MAP3K15: variants seen among roughly 807,000 people sequenced by gnomAD.
MAP3K15 encodes mitogen-activated protein kinase kinase kinase 15.
In MAP3K15, 124 loss-of-function variants were observed where a neutral mutation model predicts 99.5. The observed-to-expected ratio is 1.25, with a 90% confidence interval of 1.08 to 1.45. The LOEUF (loss-of-function observed/expected upper bound fraction) is 1.45, where lower values mean the gene tolerates loss of function less well. MAP3K15 is among the 40% of genes most tolerant of loss of function. The pLI is 0.00. For synonymous variants in MAP3K15, 494 were observed against 439.6 expected, an observed-to-expected ratio of 1.12 and a Z score of -1.55; for missense variants, 1,242 against 1,079.7, an observed-to-expected ratio of 1.15 and a Z score of -2.11.
chrX:19,504,832 T>G (rs1255562010), intron 1 of MAP3K15, among the ~76,000 whole-genome samples: 3 of 109,505 alleles, frequency 2.7e-5, no homozygotes, highest in Non-Finnish European at 3.8e-5. Context: ...GGCATGTGCC[T>G]GTAGTCCCAG....
rs1388742522 is a variant in MAP3K15, at chrX:19,407,099, A to AAT, written c.1844+88_1844+89insAT. On this transcript the variant is annotated intron_variant, in intron 13 of 28. Transcript: ENST00000338883. ...AGTTAACATTTCAAGAAAGACAGTA[A>AAT]TAGCAAGTAAATATCTTTCAGAACA... 5.7e-6 allele frequency: 3 copies of AAT among 522,201 alleles called. No individual in the cohort carries two copies. In the African/African-American group the frequency reaches 7.3e-5, roughly 13 times the overall value. 43.0% of individuals were successfully genotyped at this position (522,201 alleles called of 1,213,427 possible). A position where few individuals can be genotyped will look rare whatever the true frequency, so the allele number is the denominator to read the frequency against.
At chrX:19,491,722 CAG>C (rs774524881) in intron 1 of MAP3K15, among the ~76,000 whole-genome samples, 14 of 110,213 alleles carry the variant, frequency 1.3e-4, no homozygotes, top group Non-Finnish European at 2.3e-4. Flanking sequence ...ATTTTTGAGA[CAG>C]AGTCTCAAAA....
At chrX:19,511,930 A>T (rs768691683) in intron 1 of MAP3K15, among the ~76,000 whole-genome samples, 21 of 112,355 alleles carry the variant, frequency 1.9e-4, no homozygotes, top group African/African-American at 5.5e-4. Flanking sequence ...AATGCCCATC[A>T]ATGATAGACT....
chrX:19,377,866 T>C lies in MAP3K15; in HGVS notation c.2589+2254A>G, dbSNP rs183177951. On this transcript the variant is annotated intron_variant, in intron 19 of 28. Transcript: ENST00000338883. ...TGTCTTCCAGCCCAGGAGCTGAGGG[T>C]CCTCTTGGGATTGCAGGTATCAGAA... 1.2e-3 allele frequency among the ~76,000 whole-genome samples: 131 copies of C among 112,210 alleles called. No individual in the cohort carries two copies. The Middle Eastern group carries it at 0.027, about 23-fold the overall frequency.
intron 13 of MAP3K15, among the ~76,000 whole-genome samples, chrX:19,405,872 G>A (rs1269415385): frequency 3.6e-5 from 4 of 112,299 alleles, no homozygotes; most frequent in African/African-American, 1.3e-4. Context: ...TCTTTGTATT[G>A]TATTTTGAAA....
At chrX:19,422,318 T>C (rs1446040057) in intron 9 of MAP3K15, among the ~76,000 whole-genome samples, 1 of 109,936 alleles carries the variant, frequency 9.1e-6, no homozygotes, top group Non-Finnish European at 1.9e-5. Flanking sequence ...TACAATAAAC[T>C]CCAACAAATT....
intron 3 of MAP3K15, among the ~76,000 whole-genome samples, chrX:19,481,492 C>T: frequency 9.0e-6 from 1 of 111,242 alleles, no homozygotes; most frequent in Non-Finnish European, 1.9e-5. Flanking sequence ...CACAGATATA[C>T]CAAAAGCACG....
chrX:19,399,755 A>C (rs749670999), intron 14 of MAP3K15, among the ~76,000 whole-genome samples: 12,680 of 104,680 alleles, frequency 0.12, 1,498 homozygotes, highest in African/African-American at 0.34. Flanking sequence ...AAAAAAAAAA[A>C]AAAAAAAAAA....
intron 7 of MAP3K15, among the ~76,000 whole-genome samples, chrX:19,430,207 C>G (rs1229512104): frequency 8.9e-6 from 1 of 112,279 alleles, no homozygotes; most frequent in Non-Finnish European, 1.9e-5. Flanking sequence ...GAAGTAACCA[C>G]GTGTGAGTTC....
chrX:19,488,961 G>A lies in MAP3K15; in HGVS notation c.368C>T (p.Ala123Val). ...GGAGACATCGCTCATGTCTACCACAGCAACATCTGCAATGAACAAGGAGAG... is the reference window on the plus strand; with the variant it reads ...GGAGACATCGCTCATGTCTACCACAACAACATCTGCAATGAACAAGGAGAG... ...VLDAFYDADV[A>V]VVDMSDVSRQ... The change falls in exon 2 of 29, where the codon GCT (alanine) becomes GTT (valine). Residue 123 changes from alanine (A) to valine (V), a missense_variant. Ala to Val is a moderately conservative substitution (Grantham distance 64). Transcript: ENST00000338883. 1 of 1,197,511 alleles carries A rather than the reference G, an allele frequency of 8.4e-7. No homozygotes were observed. Among genetic ancestry groups the A allele is most frequent in the Non-Finnish European group, 1.1e-6 (1 of 893,497 alleles).
chrX:19,414,542 T>A (rs1010398334), intron 10 of MAP3K15, among the ~76,000 whole-genome samples: 2 of 112,453 alleles, frequency 1.8e-5, no homozygotes, highest in Non-Finnish European at 3.8e-5. Flanking sequence ...GTCATAACAT[T>A]AAAACAAAAA....
At chrX:19,449,416 T>C (rs1264193147) in intron 6 of MAP3K15, among the ~76,000 whole-genome samples, 2 of 109,901 alleles carry the variant, frequency 1.8e-5, no homozygotes, top group Non-Finnish European at 3.9e-5. Context: ...ACTTTTTCTA[T>C]ACCTCAAATG....
intron 3 of MAP3K15, among the ~76,000 whole-genome samples, chrX:19,466,398 C>T (rs1169135182): frequency 9.0e-6 from 1 of 111,410 alleles, no homozygotes; most frequent in African/African-American, 3.3e-5. Context: ...GGGGCGGTTT[C>T]TCCCATGCTG....
intron 18 of MAP3K15, among the ~76,000 whole-genome samples, chrX:19,381,867 T>C (rs1368245142): frequency 4.5e-5 from 5 of 112,192 alleles, no homozygotes; most frequent in Admixed American, 9.4e-5. Flanking sequence ...GTCAGAGCTC[T>C]GACCTTGGCC....
At chrX:19,447,978 G>A (rs1305196962) in intron 6 of MAP3K15, among the ~76,000 whole-genome samples, 1 of 104,175 alleles carries the variant, frequency 9.6e-6, no homozygotes, top group African/African-American at 3.4e-5. Flanking sequence ...GGACAACAGC[G>A]ACAGGGATGA....
rs1602251779 is a variant in MAP3K15, at chrX:19,374,655, G to A, written c.2595C>T (p.Gly865=). 1 of 1,208,395 alleles carries A rather than the reference G, an allele frequency of 8.3e-7. No homozygotes were observed. Among genetic ancestry groups the A allele is most frequent in the Non-Finnish European group, 1.1e-6 (1 of 893,406 alleles). Residue 865 remains glycine, a synonymous_variant, in exon 20 of 29, where the codon GGC becomes GGT. Coordinates refer to ENST00000338883, the MANE Select transcript of MAP3K15 (RefSeq NM_001001671.4). ...GAATCTCAGGGTGGATCTTAAACAT[G>A]CCCACCTGCATTTAAGGGAGAGGTA... ...GEPQAAMFKV[G]MFKIHPEIPE... is the part of the protein sequence containing the mutation.
intron 9 of MAP3K15, among the ~76,000 whole-genome samples, chrX:19,422,415 A>G (rs1051802312): frequency 3.6e-5 from 4 of 112,329 alleles, no homozygotes. Context: ...ATGCAGCCAA[A>G]AGACACATGA....
chrX:19,437,150 T>C (rs934453984), intron 6 of MAP3K15, among the ~76,000 whole-genome samples: 1 of 111,885 alleles, frequency 8.9e-6, no homozygotes, highest in Non-Finnish European at 1.9e-5. Context: ...TATTTCAAAC[T>C]ACATCTGAAA....
At chrX:19,485,738 G>A (rs755556915) in intron 3 of MAP3K15, among the ~76,000 whole-genome samples, 1 of 110,645 alleles carries the variant, frequency 9.0e-6, no homozygotes, top group Non-Finnish European at 1.9e-5. Flanking sequence ...TAGCAGGAAG[G>A]AGACTAAGGC....
Sources: gnomAD v4.1 joint callset for allele counts (sites outside exome capture counted in the v4.1 genomes callset) on GRCh38, gnomAD v4.1.1 for gene constraint, MANE v1.5 for transcripts, NCBI Gene and HGNC (gene_info 2026-07-23, HGNC 2026-07-21) for gene names.